TNRC6B: variants seen among roughly 807,000 people sequenced by gnomAD.
The protein encoded by TNRC6B is trinucleotide repeat-containing gene 6B protein.
A neutral mutation model predicts 203.6 loss-of-function variants in TNRC6B; 52 were observed. The ratio of observed to expected loss-of-function variants is 0.26; its 90% CI spans 0.20 to 0.32. TNRC6B has a LOEUF of 0.32. Ranked by LOEUF, TNRC6B falls within the 10% of genes least tolerant of loss-of-function variation. The probability of loss-of-function intolerance (pLI) is 1.00; values close to 1 mark genes in which losing one functional copy is unlikely to be tolerated. For synonymous variants in TNRC6B, 838 were observed against 845.7 expected (o/e 0.99, Z 0.16); for missense variants, 1,923 against 2,286.2 (o/e 0.84, Z 3.24).
intron 7 of TNRC6B, 130 bp downstream of exon 7, chr22:40,273,730 T>C (rs1287514245): frequency 3.9e-6 from 4 of 1,023,834 alleles, no homozygotes; most frequent in African/African-American, 1.6e-5. Flanking sequence ...AGTGGGACAG[T>C]CACGACTCGC....
chr22:40,253,151 G>T (rs2070219017), intron 3 of TNRC6B, among the ~76,000 whole-genome samples: 1 of 148,020 alleles, frequency 6.8e-6, no homozygotes, highest in East Asian at 2.0e-4. Flanking sequence ...AGGCGATCTC[G>T]GCTCACTGCA....
chr22:40,183,630 C>T (rs1216567792), intron 1 of TNRC6B, among the ~76,000 whole-genome samples: 5 of 151,826 alleles, frequency 3.3e-5, no homozygotes, highest in Non-Finnish European at 5.9e-5. Flanking sequence ...CGTTTTCTCC[C>T]TCATTGTGAT....
chr22:40,102,247 G>A (rs2068247028), intron 1 of TNRC6B, among the ~76,000 whole-genome samples: 2 of 152,154 alleles, frequency 1.3e-5, no homozygotes, highest in Non-Finnish European at 2.9e-5. Flanking sequence ...AGATACTCAT[G>A]TTTGCAATTA....
intron 1 of TNRC6B, among the ~76,000 whole-genome samples, chr22:40,202,261 T>G (rs923999363): frequency 9.8e-6 from 1 of 102,046 alleles, no homozygotes; most frequent in Non-Finnish European, 2.2e-5. Context: ...TGTTTTTTTG[T>G]TTTTTTTTTT....
chr22:40,181,671 G>A (rs555165086), intron 1 of TNRC6B, among the ~76,000 whole-genome samples: 5 of 152,222 alleles, frequency 3.3e-5, no homozygotes, highest in Admixed American at 6.5e-5. Context: ...TAGGCCAGTC[G>A]TGGTGGCTCA....
At chr22:40,269,529 A>G (rs531456734) in intron 5 of TNRC6B, among the ~76,000 whole-genome samples, 7 of 152,206 alleles carry the variant, frequency 4.6e-5, no homozygotes, top group African/African-American at 1.4e-4. Context: ...TCTATCAGTG[A>G]TGCGGTGAGT....
intron 5 of TNRC6B, among the ~76,000 whole-genome samples, chr22:40,267,735 T>G (rs1272029028): frequency 1.3e-5 from 2 of 152,058 alleles, no homozygotes; most frequent in Non-Finnish European, 2.9e-5. Context: ...ACGGGTGTGG[T>G]GCATGTGCAT....
chr22:40,166,576 C>T (rs1213513580), intron 4 of TNRC6B, among the ~76,000 whole-genome samples: 1 of 152,048 alleles, frequency 6.6e-6, no homozygotes, highest in African/African-American at 2.4e-5. Flanking sequence ...TGCCTCACAA[C>T]TTGTTATTGG....
intron 1 of TNRC6B, among the ~76,000 whole-genome samples, chr22:40,205,769 C>G (rs950510832): frequency 1.3e-5 from 2 of 152,168 alleles, no homozygotes; most frequent in African/African-American, 4.8e-5. Flanking sequence ...TTAATCAGAA[C>G]AGTAGTTTTG....
At chr22:40,167,284 A>G (rs1242906541) in intron 4 of TNRC6B, among the ~76,000 whole-genome samples, 1 of 152,198 alleles carries the variant, frequency 6.6e-6, no homozygotes, top group African/African-American at 2.4e-5. Context: ...TCATAAGTCC[A>G]TTGACACAAG....
chr22:40,126,579 A>AATT (rs1295614508), intron 3 of TNRC6B, among the ~76,000 whole-genome samples: 14 of 100,608 alleles, frequency 1.4e-4, no homozygotes, highest in Middle Eastern at 4.5e-3. Flanking sequence ...GACGTTATTT[A>AATT]ATTTTTTTTT....
chr22:40,145,225 G>A (rs1328270110), intron 3 of TNRC6B, among the ~76,000 whole-genome samples: 1 of 152,074 alleles, frequency 6.6e-6, no homozygotes, highest in Non-Finnish European at 1.5e-5. Flanking sequence ...CAGCCTGGGT[G>A]ACAGAGTGAG....
intron 16 of TNRC6B, among the ~76,000 whole-genome samples, chr22:40,310,037 TA>T (rs2071152812): frequency 6.6e-6 from 1 of 152,246 alleles, no homozygotes; most frequent in African/African-American, 2.4e-5. Context: ...CACTGATACC[TA>T]AAATTTTATT....
chr22:40,212,053 A>G (rs753828131), intron 1 of TNRC6B, among the ~76,000 whole-genome samples: 29 of 152,224 alleles, frequency 1.9e-4, no homozygotes, highest in Admixed American at 1.3e-3. Context: ...CCTCACCAAG[A>G]TGAAGTTCAA....
intron 1 of TNRC6B, among the ~76,000 whole-genome samples, chr22:40,227,493 G>T (rs937357286): frequency 6.7e-6 from 1 of 150,266 alleles, no homozygotes; most frequent in Non-Finnish European, 1.5e-5. Context: ...GGGATTACAG[G>T]TGCATGCCAC....
At chr22:40,244,610 AT>A (rs2070079371) in intron 1 of TNRC6B, among the ~76,000 whole-genome samples, 1 of 151,992 alleles carries the variant, frequency 6.6e-6, no homozygotes, top group African/African-American at 2.4e-5. Context: ...CATCTTTATG[AT>A]TTTGCCATGT....
chr22:40,227,015 T>G (rs1421683349), intron 1 of TNRC6B, among the ~76,000 whole-genome samples: 1 of 151,882 alleles, frequency 6.6e-6, no homozygotes, highest in East Asian at 1.9e-4. Context: ...GTTCAAGCCA[T>G]TCTCCTGCCT....
chr22:40,052,296 A>T (rs972155133), intron 1 of TNRC6B, among the ~76,000 whole-genome samples: 1 of 152,176 alleles, frequency 6.6e-6, no homozygotes, highest in Admixed American at 6.5e-5. Context: ...TTTGCGTTAT[A>T]ATCAGAGGTA....
At chr22:40,095,860 A>G (rs2146300488) in intron 1 of TNRC6B, among the ~76,000 whole-genome samples, 1 of 152,180 alleles carries the variant, frequency 6.6e-6, no homozygotes, top group South Asian at 2.1e-4. Flanking sequence ...GGAGATGGAT[A>G]TCAACAAAAT....
Sources: allele counts gnomAD v4.1 joint callset (sites outside exome capture counted in the v4.1 genomes callset), GRCh38; gene constraint gnomAD v4.1.1; transcripts MANE v1.5; gene names NCBI Gene and HGNC (gene_info 2026-07-23, HGNC 2026-07-21).